The following CAMK2D variants were observed in gnomAD, a reference collection of about 807,000 sequenced individuals.
CAMK2D encodes calcium/calmodulin-dependent protein kinase type II subunit delta.
A neutral mutation model predicts 84.0 loss-of-function variants in CAMK2D; 37 were observed. That is an observed-to-expected ratio of 0.44 (90% CI 0.34 to 0.58). CAMK2D has a LOEUF of 0.58. CAMK2D is among the 20% of genes least tolerant of loss of function. The pLI, the probability that CAMK2D is intolerant of heterozygous loss-of-function variation, is 0.02. For synonymous variants in CAMK2D, 202 were observed against 212.5 expected (o/e 0.95, Z 0.43); for missense variants, 448 against 652.5 (o/e 0.69, Z 3.41).
intron 3 of CAMK2D, 42 bp from the exon 4 acceptor site, chr4:113,609,248 C>T (rs747968309): frequency 1.6e-5 from 17 of 1,048,504 alleles, no homozygotes; most frequent in African/African-American, 3.1e-5. Flanking sequence ...TATACCTATT[C>T]CAACGATCAA....
intron 4 of CAMK2D, among the ~76,000 whole-genome samples, chr4:113,563,939 A>G (rs948364485): frequency 6.6e-6 from 1 of 152,192 alleles, no homozygotes. Flanking sequence ...GAAAAATATT[A>G]CAGACTGATA....
intron 3 of CAMK2D, among the ~76,000 whole-genome samples, chr4:113,636,356 C>T (rs28722161): frequency 6.6e-6 from 1 of 152,178 alleles, no homozygotes; most frequent in Non-Finnish European, 1.5e-5. Context: ...ACCGATTACT[C>T]CAACTGTCTC....
chr4:113,510,199 AC>A (rs1560600268), intron 12 of CAMK2D, among the ~76,000 whole-genome samples: 1 of 152,190 alleles, frequency 6.6e-6, no homozygotes, highest in Non-Finnish European at 1.5e-5. Flanking sequence ...ATTTGGTTTT[AC>A]AAAAAATATT....
At chr4:113,708,818 G>A (rs906457779) in intron 2 of CAMK2D, among the ~76,000 whole-genome samples, 5 of 152,042 alleles carry the variant, frequency 3.3e-5, no homozygotes, top group East Asian at 1.9e-4. Flanking sequence ...TCCGCCTCCC[G>A]GGTTCAAGCA....
intron 2 of CAMK2D, among the ~76,000 whole-genome samples, chr4:113,689,478 T>C (rs371079136): frequency 6.6e-6 from 1 of 152,172 alleles, no homozygotes; most frequent in East Asian, 1.9e-4. Context: ...CCTATTAAAC[T>C]AGCTACTCCC....
At chr4:113,626,702 A>G (rs2099069713) in intron 3 of CAMK2D, among the ~76,000 whole-genome samples, 1 of 152,192 alleles carries the variant, frequency 6.6e-6, no homozygotes, top group African/African-American at 2.4e-5. Context: ...CTGGACCTCC[A>G]TTCCTTGCAG....
intron 2 of CAMK2D, among the ~76,000 whole-genome samples, chr4:113,749,762 A>G (rs566019790): frequency 2.6e-5 from 4 of 152,344 alleles, no homozygotes; most frequent in South Asian, 2.1e-4. Flanking sequence ...ATTTGCAAGT[A>G]GTTGCTCAAA....
chr4:113,669,211 T>C (rs1269147106), intron 2 of CAMK2D, among the ~76,000 whole-genome samples: 1 of 152,220 alleles, frequency 6.6e-6, no homozygotes, highest in Non-Finnish European at 1.5e-5. Flanking sequence ...GTAGTCCTTT[T>C]AAAATTATAA....
chr4:113,741,140 C>T (rs1046835928), intron 2 of CAMK2D, among the ~76,000 whole-genome samples: 1 of 151,994 alleles, frequency 6.6e-6, no homozygotes, highest in African/African-American at 2.4e-5. Context: ...AGTAATGGCC[C>T]CAAAGTGCAA....
intron 5 of CAMK2D, among the ~76,000 whole-genome samples, chr4:113,548,967 G>GT (rs2098603909): frequency 6.6e-6 from 1 of 152,188 alleles, no homozygotes; most frequent in Non-Finnish European, 1.5e-5. Flanking sequence ...AATTTGAGTT[G>GT]TGTTGTTTTC....
chr4:113,494,948 C>T (rs1237612118), intron 16 of CAMK2D, among the ~76,000 whole-genome samples: 3 of 152,222 alleles, frequency 2.0e-5, no homozygotes, highest in Non-Finnish European at 4.4e-5. Context: ...AAAGGGAACT[C>T]CCTGACCCCT....
chr4:113,542,572 G>A (rs2098537634), intron 6 of CAMK2D, among the ~76,000 whole-genome samples: 1 of 151,932 alleles, frequency 6.6e-6, no homozygotes. Flanking sequence ...AAAATTAATC[G>A]GGCATGGTGG....
intron 13 of CAMK2D, among the ~76,000 whole-genome samples, chr4:113,506,518 A>G (rs1323218995): frequency 6.6e-6 from 1 of 152,204 alleles, no homozygotes; most frequent in Non-Finnish European, 1.5e-5. Context: ...CCAAAGAGAT[A>G]AGAGGTAAAA....
chr4:113,686,398 T>C (rs1293656131), intron 2 of CAMK2D, among the ~76,000 whole-genome samples: 1 of 152,192 alleles, frequency 6.6e-6, no homozygotes, highest in East Asian at 1.9e-4. Context: ...ATTCCCAAGT[T>C]TTCCCTTACA....
At chr4:113,643,398 T>C (rs116171306) in intron 3 of CAMK2D, among the ~76,000 whole-genome samples, 105 of 152,350 alleles carry the variant, frequency 6.9e-4, no homozygotes, top group African/African-American at 2.3e-3. Flanking sequence ...TATGAAGTCA[T>C]ACCTGGGTGC....
rs115279617 is a variant in CAMK2D, at chr4:113,588,600, C to T, written c.275+20552G>A. Among the ~76,000 whole-genome samples, 539 of 152,260 alleles carry T rather than the reference C, an allele frequency of 3.5e-3. 3 individuals are homozygous for T. Among genetic ancestry groups the T allele is most frequent in the African/African-American group, 0.012 (504 of 41,548 alleles). Reference sequence around the variant, plus strand: ...ACTTAGGCAATAGTTGGCACTGAGGCACCATTATGTAACCAAAGTAGCAAG... The same window carrying T: ...ACTTAGGCAATAGTTGGCACTGAGGTACCATTATGTAACCAAAGTAGCAAG... On this transcript the variant is annotated intron_variant, in intron 4 of 20. Coordinates refer to ENST00000511664, the MANE Select transcript of CAMK2D (RefSeq NM_001321571.2).
chr4:113,720,124 T>C (rs986067463), intron 2 of CAMK2D, among the ~76,000 whole-genome samples: 2 of 152,062 alleles, frequency 1.3e-5, no homozygotes, highest in African/African-American at 4.8e-5. Context: ...CTATCAACAG[T>C]TCTCAGATAA....
At chr4:113,709,673 A>T (rs763136151) in intron 2 of CAMK2D, among the ~76,000 whole-genome samples, 5 of 146,090 alleles carry the variant, frequency 3.4e-5, no homozygotes, top group Non-Finnish European at 7.5e-5. Flanking sequence ...ATGAATAAAC[A>T]ATATTCCAAT....
At chr4:113,692,723 C>CAT (rs1428422259) in intron 2 of CAMK2D, among the ~76,000 whole-genome samples, 1 of 151,840 alleles carries the variant, frequency 6.6e-6, no homozygotes, top group Non-Finnish European at 1.5e-5. Flanking sequence ...TATATACATA[C>CAT]ATATATTCAT....
Sources: gnomAD v4.1 joint callset for allele counts (sites outside exome capture counted in the v4.1 genomes callset) on GRCh38, gnomAD v4.1.1 for gene constraint, MANE v1.5 for transcripts, NCBI Gene and HGNC (gene_info 2026-07-23, HGNC 2026-07-21) for gene names.